Variants in SPHKAP observed in about 807,000 individuals in gnomAD.
SPHKAP encodes the protein SPHK1 interactor, AKAP domain containing, also known as A-kinase anchor protein SPHKAP.
A neutral mutation model predicts 137.5 loss-of-function variants in SPHKAP; 67 were observed. The observed-to-expected ratio is 0.49, with a 90% confidence interval of 0.40 to 0.60. The LOEUF is 0.60. SPHKAP is among the 20% of genes least tolerant of loss of function. The pLI, the probability that SPHKAP is intolerant of heterozygous loss-of-function variation, is 0.00. For synonymous variants in SPHKAP, 813 were observed against 785.3 expected, an observed-to-expected ratio of 1.04 and a Z score of -0.59; for missense variants, 2,097 against 2,069.3, an observed-to-expected ratio of 1.01 and a Z score of -0.26.
At chr2:228,134,069 AAG>A (rs560599850) in intron 1 of SPHKAP, among the ~76,000 whole-genome samples, 16 of 150,400 alleles carry the variant, frequency 1.1e-4, no homozygotes, top group Admixed American at 2.0e-4. Context: ...AGGAAAGAAA[AAG>A]AGAGAGAAAG....
In SPHKAP at chr2:228,096,610, C is replaced by T. The variant is rs141561931; in HGVS notation, c.246+12222G>A. On this transcript the variant is annotated intron_variant, in intron 3 of 11. Coordinates refer to ENST00000392056, the MANE Select transcript of SPHKAP (RefSeq NM_001142644.2). ...GTAAGTGGATCTGTTCAATTCAAAC[C>T]CATGTTGTTCAGGGGTCAACTGTGT... Among the ~76,000 whole-genome samples, 500 of 148,290 alleles carry T rather than the reference C, an allele frequency of 3.4e-3. 6 individuals are homozygous for T. The highest frequency in any genetic ancestry group is 0.012 in the African/African-American group (467 of 40,010).
chr2:227,982,482 A>G (rs1693037311), intron 11 of SPHKAP: 5 of 472,354 alleles, frequency 1.1e-5, no homozygotes, highest in African/African-American at 2.1e-5. Context: ...GCCACAGCCT[A>G]GAGAGAAAGT....
chr2:228,173,130 G>T (rs148347159), intron 1 of SPHKAP: 2 of 890,728 alleles, frequency 2.2e-6, no homozygotes, highest in African/African-American at 3.6e-5. Context: ...AATGACTCAC[G>T]TATGGCAGAG....
rs138815008 is a variant in SPHKAP at position 228,148,010 on chromosome 2, G to A, written c.33-15925C>T. On this transcript the variant is annotated intron_variant, in intron 1 of 11. Coordinates refer to ENST00000392056, the MANE Select transcript of SPHKAP (RefSeq NM_001142644.2). Reference sequence around the variant, plus strand: ...TCCGAACCTAGACGAAACTGACTCCGGCCTGTGCTCTTTCCTGGATGCCCT... The same window carrying A: ...TCCGAACCTAGACGAAACTGACTCCAGCCTGTGCTCTTTCCTGGATGCCCT... Among the ~76,000 whole-genome samples the A allele has an allele frequency of 1.2e-3, 183 of 152,242 alleles. 1 individual carries two copies. Among genetic ancestry groups the A allele is most frequent in the African/African-American group, 4.1e-3 (169 of 41,540 alleles).
chr2:228,036,697 G>A lies in SPHKAP; in HGVS notation c.247-9154C>T, dbSNP rs1434557225. Among the ~76,000 whole-genome samples the A allele has an allele frequency of 3.3e-5, 5 of 152,200 alleles. 1 individual carries two copies. The highest frequency in any genetic ancestry group is 4.1e-4 in the South Asian group (2 of 4,820). ...GCACATATACACCATGGAATACTAT[G>A]CAGCCATAAAAAATGATGAGTTCAT... is the stretch of plus-strand genomic sequence containing the variant. On this transcript the variant is annotated intron_variant, in intron 3 of 11. Transcript: ENST00000392056.
chr2:228,127,848 C>T (rs1455519365), intron 2 of SPHKAP, among the ~76,000 whole-genome samples: 1 of 152,052 alleles, frequency 6.6e-6, no homozygotes, highest in East Asian at 1.9e-4. Flanking sequence ...TTTGGTTTCC[C>T]AATGCATATA....
chr2:228,011,369 T>G (rs543244229), intron 7 of SPHKAP, among the ~76,000 whole-genome samples: 1 of 152,182 alleles, frequency 6.6e-6, no homozygotes, highest in African/African-American at 2.4e-5. Context: ...GACCCTCATT[T>G]CCTGGTTTCC....
At chr2:228,154,037 C>T (rs978273542) in intron 1 of SPHKAP, among the ~76,000 whole-genome samples, 4 of 152,040 alleles carry the variant, frequency 2.6e-5, no homozygotes, top group Non-Finnish European at 5.9e-5. Flanking sequence ...TCCTCACTCT[C>T]GCTCAGTTAA....
At position 228,020,759 on chromosome 2, in the gene SPHKAP, T is replaced by C. The variant is rs879503324; in HGVS notation, c.698-603A>G. Among the ~76,000 whole-genome samples the C allele has an allele frequency of 3.9e-5, 6 of 152,186 alleles. No homozygotes were observed. In the East Asian group the frequency reaches 1.2e-3, roughly 29 times the overall value. ...ATAAAAATAAAGCATTGACTTTTTT[T>C]CCCCCTTCAAGAATAACAGTTTGAA... On this transcript the variant is annotated intron_variant, in intron 6 of 11. Transcript: ENST00000392056.
intron 1 of SPHKAP, among the ~76,000 whole-genome samples, chr2:228,146,652 T>C (rs1196367138): frequency 2.0e-5 from 3 of 152,214 alleles, no homozygotes; most frequent in Non-Finnish European, 2.9e-5. Flanking sequence ...GAACATGCAG[T>C]ATTTGGTTTT....
chr2:228,157,254 T>C (rs1700133465), intron 1 of SPHKAP, among the ~76,000 whole-genome samples: 1 of 152,068 alleles, frequency 6.6e-6, no homozygotes, highest in Non-Finnish European at 1.5e-5. Flanking sequence ...ACATTCAGAG[T>C]AGTCAACTAA....
chr2:228,074,682 A>G (rs921538898), intron 3 of SPHKAP, among the ~76,000 whole-genome samples: 12 of 152,234 alleles, frequency 7.9e-5, no homozygotes, highest in African/African-American at 2.9e-4. Context: ...TTAATCCTGA[A>G]TTATTTGAAG....
intron 1 of SPHKAP, among the ~76,000 whole-genome samples, chr2:228,140,630 C>T (rs1699576688): frequency 6.6e-6 from 1 of 151,982 alleles, no homozygotes; most frequent in African/African-American, 2.4e-5. Context: ...GTGTCCCCTC[C>T]CAAATCTCAT....
Position 228,015,255 on chromosome 2 carries a change from AT to A in SPHKAP, c.4448+1150del, listed in dbSNP as rs376045540. On this transcript the variant is annotated intron_variant, in intron 7 of 11. Transcript: ENST00000392056. ...TCCCTACAAAGGACATGAACTCATC[AT>A]TTTTTTATGGCTGCATAGTATTCCA... 2.9e-3 allele frequency among the ~76,000 whole-genome samples: 431 copies of A among 150,030 alleles called. 2 individuals carry two copies. The highest frequency in any genetic ancestry group is 9.8e-3 in the African/African-American group (398 of 40,564).
intron 3 of SPHKAP, among the ~76,000 whole-genome samples, chr2:228,074,188 C>T (rs931313299): frequency 3.3e-5 from 5 of 152,186 alleles, no homozygotes; most frequent in African/African-American, 9.6e-5. Flanking sequence ...CAAAAAATTA[C>T]TGTAAGCATA....
intron 3 of SPHKAP, among the ~76,000 whole-genome samples, chr2:228,099,027 T>C (rs1698099066): frequency 6.6e-6 from 1 of 152,188 alleles, no homozygotes; most frequent in Non-Finnish European, 1.5e-5. Context: ...AAGAAGCTCT[T>C]TAGTTTAATC....
chr2:227,982,477 A>G, intron 11 of SPHKAP: 1 of 500,962 alleles, frequency 2.0e-6, no homozygotes, highest in Non-Finnish European at 2.6e-6. Flanking sequence ...TATTGGCCAC[A>G]GCCTAGAGAG....
chr2:228,135,337 TCA>T (rs1225870971), intron 1 of SPHKAP, among the ~76,000 whole-genome samples: 1 of 143,344 alleles, frequency 7.0e-6, no homozygotes, highest in African/African-American at 2.6e-5. Flanking sequence ...TAGAAAGAAA[TCA>T]CATCTAAATT....
intron 1 of SPHKAP, among the ~76,000 whole-genome samples, chr2:228,170,944 A>G (rs1195386494): frequency 6.6e-6 from 1 of 152,130 alleles, no homozygotes; most frequent in Non-Finnish European, 1.5e-5. Flanking sequence ...TTATAATAAG[A>G]GGTCAATATC....
Sources: allele counts gnomAD v4.1 joint callset (sites outside exome capture counted in the v4.1 genomes callset), GRCh38; gene constraint gnomAD v4.1.1; transcripts MANE v1.5; gene names NCBI Gene and HGNC (gene_info 2026-07-23, HGNC 2026-07-21).